The following MYOM2 variants were observed in gnomAD, a reference collection of about 807,000 sequenced individuals.
MYOM2 encodes myomesin-2.
MYOM2 carries 254 observed loss-of-function variants against 187.6 expected under a neutral mutation model. The ratio of observed to expected loss-of-function variants is 1.35; its 90% CI spans 1.22 to 1.50. The LOEUF is 1.50. MYOM2 is among the 40% of genes most tolerant of loss of function. The pLI is 0.00. For synonymous variants in MYOM2, 981 were observed against 753.8 expected (o/e 1.30, Z -4.94); for missense variants, 2,796 against 1,924.0 (o/e 1.45, Z -8.48).
chr8:2,046,195 A>G (rs1818305901), intron 1 of MYOM2, among the ~76,000 whole-genome samples: 1 of 152,236 alleles, frequency 6.6e-6, no homozygotes, highest in South Asian at 2.1e-4. Context: ...AGTGGAAGTC[A>G]ATGTTTTGTA....
chr8:2,072,583 G>T, intron 9 of MYOM2, 74 bp downstream of exon 9: 1 of 1,506,760 alleles, frequency 6.6e-7, no homozygotes, highest in Non-Finnish European at 8.9e-7. Flanking sequence ...AAATGTGGGT[G>T]TCAATGTGGC....
rs34004023 is a variant in MYOM2, at chr8:2,092,350, C to T, written c.1833C>T (p.Val611=). ...SPIQAQDVTV[V]PSAPGRVLAS... ...CCTTTTGTCTCCTACGAAAAGTTGT[C>T]CCTTCTGCTCCGGGTCGGGTTCTTG... The change falls in exon 16 of 37, where the codon GTC becomes GTT. Residue 611 remains valine, a synonymous_variant. Coordinates refer to ENST00000262113, the MANE Select transcript of MYOM2 (RefSeq NM_003970.4). 6 of 1,613,612 alleles carry T rather than the reference C, an allele frequency of 3.7e-6. No homozygotes were observed. Among genetic ancestry groups the T allele is most frequent in the Non-Finnish European group, 5.1e-6 (6 of 1,179,836 alleles).
chr8:2,125,316 G>T (rs62478456), intron 31 of MYOM2, among the ~76,000 whole-genome samples: 1 of 152,034 alleles, frequency 6.6e-6, no homozygotes, highest in South Asian at 2.1e-4. Context: ...TGGATATTCA[G>T]TGTTTCCAGC....
chr8:2,096,282 A>G lies in MYOM2; in HGVS notation c.2161A>G (p.Asn721Asp). ...CCATCCTTATGGGATTACGCTCCTC[A>G]ACTGTGACGGCCACTCCATGACCCT... ...PSHPYGITLL[N>D]CDGHSMTLGW... Residue 721 changes from asparagine to aspartate, a missense_variant, in exon 18 of 37, where the codon AAC becomes GAC. Coordinates refer to ENST00000262113, the MANE Select transcript of MYOM2 (RefSeq NM_003970.4). 1 of 1,614,066 alleles carries G rather than the reference A, an allele frequency of 6.2e-7. No individual in the cohort carries two copies. The highest frequency in any genetic ancestry group is 8.5e-7 in the Non-Finnish European group (1 of 1,180,008).
chr8:2,051,352 C>T (rs2129327144), intron 2 of MYOM2, among the ~76,000 whole-genome samples: 1 of 152,188 alleles, frequency 6.6e-6, no homozygotes, highest in African/African-American at 2.4e-5. Flanking sequence ...CTGGTGTGCA[C>T]CTGCATCTTC....
chr8:2,076,180 T>G lies in MYOM2; in HGVS notation c.1160T>G (p.Met387Arg). The G allele has an allele frequency of 6.2e-7, 1 of 1,613,274 alleles. No individual in the cohort carries two copies. Among genetic ancestry groups the G allele is most frequent in the African/African-American group, 1.3e-5 (1 of 75,022 alleles). ...GTCACAGGGGCCCCCGGTGCACCCA[T>G]GGACTTGCAGTGCCACGACGCCAAC... ...PLVTGAPGAP[M>R]DLQCHDANRD... The change falls in exon 11 of 37, where the codon ATG (methionine) becomes AGG (arginine). Residue 387 changes from methionine (M) to arginine (R), a missense_variant. Coordinates refer to ENST00000262113, the MANE Select transcript of MYOM2 (RefSeq NM_003970.4).
intron 11 of MYOM2, among the ~76,000 whole-genome samples, chr8:2,078,289 G>T (rs549127282): frequency 2.0e-5 from 3 of 152,192 alleles, no homozygotes; most frequent in Non-Finnish European, 4.4e-5. Flanking sequence ...CACAGAGTGG[G>T]ACGGGAGCTG....
intron 15 of MYOM2, among the ~76,000 whole-genome samples, chr8:2,092,063 T>G (rs1796321152): frequency 1.3e-5 from 1 of 75,812 alleles, no homozygotes; most frequent in South Asian, 7.9e-4. Context: ...AGAGAGTCTT[T>G]TAAACAGCTC....
At chr8:2,122,200 G>A (rs1241753188) in intron 28 of MYOM2, among the ~76,000 whole-genome samples, 3 of 152,282 alleles carry the variant, frequency 2.0e-5, no homozygotes, top group Non-Finnish European at 4.4e-5. Context: ...TAAAGTAAAG[G>A]GAATCGTCTG....
intron 14 of MYOM2, among the ~76,000 whole-genome samples, chr8:2,086,484 T>TCCGCGTGGCCCCCCA (rs1796072953): frequency 1.3e-5 from 2 of 148,330 alleles, no homozygotes; most frequent in Non-Finnish European, 3.0e-5. Flanking sequence ...TGTCATGATC[T>TCCGCGTGGCCCCCCA]CTGTGTGGCC....
At chr8:2,132,675 C>A (rs1797917348) in intron 32 of MYOM2, among the ~76,000 whole-genome samples, 1 of 152,166 alleles carries the variant, frequency 6.6e-6, no homozygotes, top group Non-Finnish European at 1.5e-5. Flanking sequence ...TAGCCCTGAT[C>A]TCCTGGGATC....
chr8:2,101,922 C>T (rs1189090474), intron 20 of MYOM2: 1 of 152,286 alleles, frequency 6.6e-6, no homozygotes, highest in Non-Finnish European at 1.5e-5. Flanking sequence ...TCCTCAGTGA[C>T]TGGGTCAGGT....
rs542785393 is a variant in MYOM2, at chr8:2,113,929, C to T, written c.3181-2031C>T. Among the ~76,000 whole-genome samples the T allele has an allele frequency of 6.6e-5, 10 of 152,308 alleles. 2 individuals carry two copies. The South Asian group carries it at 1.7e-3, about 25-fold the overall frequency. ...GCTGCAGGGATGAGTAAGGCCATGC[C>T]TGCTCTCAGGGGCTCATTGTCTGGC... On this transcript the variant is annotated intron_variant, in intron 25 of 36. Coordinates refer to ENST00000262113, the MANE Select transcript of MYOM2 (RefSeq NM_003970.4).
rs776701143 is a variant in MYOM2 at position 2,123,672 on chromosome 8, C to G, written c.3655+30C>G. 21 of 1,585,838 alleles carry G rather than the reference C, an allele frequency of 1.3e-5. No individual in the cohort carries two copies. In the South Asian group the frequency reaches 1.5e-4, roughly 12 times the overall value. On this transcript the variant is annotated intron_variant, in intron 30 of 36. Transcript: ENST00000262113. ...AAGAAAACCTCCTTTGTTCTGTGAA[C>G]AAGAAATTCCTTTCACCAACAGGAT...
chr8:2,129,180 C>G lies in MYOM2; in HGVS notation c.3748C>G (p.Gln1250Glu). Residue 1250 changes from glutamine to glutamate, a missense_variant, in exon 32 of 37, where the codon CAG becomes GAG. Transcript: ENST00000262113. ...CTGCACCCCAGAAGGAATACGACTTCAGTGTTTCATGAAGTATTTTACAGA... is the reference window on the plus strand; with the variant it reads ...CTGCACCCCAGAAGGAATACGACTTGAGTGTTTCATGAAGTATTTTACAGA... The part of the protein sequence containing the change: ...VLCTPEGIRL[Q>E]CFMKYFTDEM... 6.2e-7 allele frequency: 1 copy of G among 1,612,170 alleles called. No homozygotes were observed. Among genetic ancestry groups the G allele is most frequent in the African/African-American group, 1.3e-5 (1 of 75,030 alleles).
chr8:2,056,466 G>A (rs543586960), intron 3 of MYOM2, among the ~76,000 whole-genome samples: 3 of 151,568 alleles, frequency 2.0e-5, no homozygotes, highest in Non-Finnish European at 4.4e-5. Flanking sequence ...GCCGTGTTGG[G>A]GTGCGATTTG....
At chr8:2,061,675 G>A (rs1471561979) in intron 6 of MYOM2, among the ~76,000 whole-genome samples, 3 of 152,198 alleles carry the variant, frequency 2.0e-5, no homozygotes, top group Non-Finnish European at 4.4e-5. Flanking sequence ...TTGTCCTGCT[G>A]GAATGGTCCA....
chr8:2,134,752 G>T (rs1395427386), intron 32 of MYOM2, among the ~76,000 whole-genome samples: 1 of 152,114 alleles, frequency 6.6e-6, no homozygotes, highest in Non-Finnish European at 1.5e-5. Context: ...GCTCCTTCCG[G>T]TTGTCGCCTG....
intron 16 of MYOM2, 125 bp from the exon 17 acceptor site, chr8:2,093,845 G>T: frequency 1.8e-6 from 2 of 1,140,394 alleles, no homozygotes; most frequent in Admixed American, 2.3e-5. Flanking sequence ...AACTAGAATT[G>T]AAAATGAAGG....
Sources: allele counts gnomAD v4.1 joint callset (sites outside exome capture counted in the v4.1 genomes callset), GRCh38; gene constraint gnomAD v4.1.1; transcripts MANE v1.5; gene names NCBI Gene and HGNC (gene_info 2026-07-23, HGNC 2026-07-21).